Variants in APP observed in about 807,000 individuals in gnomAD.
The protein encoded by APP is amyloid-beta precursor protein.
In APP, 31 loss-of-function variants were observed where a neutral mutation model predicts 101.4. The observed-to-expected ratio is 0.31, with a 90% CI of 0.23 to 0.41. The LOEUF is 0.41. APP is among the 10% of genes least tolerant of loss of function. The probability of loss-of-function intolerance (pLI) is 1.00; values close to 1 mark genes in which losing one functional copy is unlikely to be tolerated. For missense variants in APP, 839 were observed against 1,003.7 expected (o/e 0.84, Z 2.22); for synonymous variants, 366 against 364.4 (o/e 1.00, Z -0.05).
intron 13 of APP, among the ~76,000 whole-genome samples, chr21:25,943,371 C>T (rs966905766): frequency 6.6e-6 from 1 of 151,562 alleles, no homozygotes; most frequent in Non-Finnish European, 1.5e-5. Context: ...AGGCTGATCT[C>T]GAACTCCTGA....
At chr21:26,126,101 A>T (rs1194060217) in intron 1 of APP, among the ~76,000 whole-genome samples, 1 of 152,240 alleles carries the variant, frequency 6.6e-6, no homozygotes, top group Non-Finnish European at 1.5e-5. Context: ...AAAAAATCTA[A>T]GCAAAGAGTA....
chr21:25,972,723 C>A (rs533503472), intron 11 of APP, among the ~76,000 whole-genome samples: 1 of 152,134 alleles, frequency 6.6e-6, no homozygotes, highest in African/African-American at 2.4e-5. Flanking sequence ...TAAAGGAAAT[C>A]TCTCAGGCAG....
At chr21:26,144,823 G>A (rs550712183) in intron 1 of APP, among the ~76,000 whole-genome samples, 11 of 152,298 alleles carry the variant, frequency 7.2e-5, no homozygotes, top group African/African-American at 1.4e-4. Flanking sequence ...ATTTTAGATC[G>A]AGGGAGTTGC....
At chr21:25,914,601 TG>T (rs1555894555) in intron 13 of APP, among the ~76,000 whole-genome samples, 1 of 142,336 alleles carries the variant, frequency 7.0e-6, no homozygotes, top group Non-Finnish European at 1.5e-5. Context: ...TCGCCCAGGC[TG>T]GAGTGCAGTG....
chr21:25,896,973 T>A (rs1361036116), intron 16 of APP, among the ~76,000 whole-genome samples: 1 of 152,206 alleles, frequency 6.6e-6, no homozygotes, highest in Non-Finnish European at 1.5e-5. Context: ...ATGTGTTTGA[T>A]CCTTCAAATA....
At chr21:26,148,227 G>A (rs922207576) in intron 1 of APP, among the ~76,000 whole-genome samples, 1 of 152,176 alleles carries the variant, frequency 6.6e-6, no homozygotes, top group Admixed American at 6.5e-5. Flanking sequence ...ATTTCAATGA[G>A]GTTGGCAGAG....
intron 7 of APP, among the ~76,000 whole-genome samples, chr21:25,999,643 T>C (rs1046643717): frequency 4.6e-5 from 7 of 152,324 alleles, no homozygotes; most frequent in African/African-American, 1.7e-4. Flanking sequence ...TGCATAAACA[T>C]GAACACATAT....
intron 1 of APP, among the ~76,000 whole-genome samples, chr21:26,149,320 C>A (rs908555664): frequency 1.3e-5 from 2 of 152,172 alleles, no homozygotes; most frequent in Admixed American, 1.3e-4. Context: ...CTGGGGATAA[C>A]AGTAGGTACC....
chr21:25,900,132 C>G (rs1316420530), intron 15 of APP, among the ~76,000 whole-genome samples: 1 of 152,170 alleles, frequency 6.6e-6, no homozygotes, highest in Non-Finnish European at 1.5e-5. Flanking sequence ...CTAAAACTCT[C>G]TTAATTCTCA....
intron 15 of APP, among the ~76,000 whole-genome samples, chr21:25,900,099 CTT>C (rs1444430214): frequency 2.6e-5 from 4 of 152,106 alleles, no homozygotes; most frequent in African/African-American, 9.7e-5. Context: ...CTTTCTGACA[CTT>C]ATTTTTATAG....
intron 13 of APP, among the ~76,000 whole-genome samples, chr21:25,953,872 C>CT (rs2041198153): frequency 6.6e-6 from 1 of 152,190 alleles, no homozygotes; most frequent in African/African-American, 2.4e-5. Context: ...TGATAATGGA[C>CT]TATAGTTACG....
intron 8 of APP, chr21:25,997,049 G>A (rs1274714849): frequency 5.4e-6 from 2 of 367,802 alleles, no homozygotes; most frequent in African/African-American, 4.2e-5. Flanking sequence ...ATAGCTTTTA[G>A]GAAATAAAAT....
chr21:26,119,933 A>G (rs2146233030), intron 1 of APP, among the ~76,000 whole-genome samples: 1 of 152,340 alleles, frequency 6.6e-6, no homozygotes. Context: ...GACAGCTAGG[A>G]CAGATTAGCA....
intron 13 of APP, among the ~76,000 whole-genome samples, chr21:25,921,463 C>T (rs1021900968): frequency 1.4e-4 from 20 of 146,568 alleles, no homozygotes; most frequent in South Asian, 2.2e-4. Context: ...AAAGGATCAA[C>T]AAAATTGATA....
rs148205336 is a variant in APP at position 26,044,469 on chromosome 21, G to T, written c.662+6531C>A. On this transcript the variant is annotated intron_variant, in intron 5 of 17. Coordinates refer to ENST00000346798, the MANE Select transcript of APP (RefSeq NM_000484.4). ...ACGTAAGTAAAACCTTAGGCTATGAGCCTTCACATGATATCCTAGATGAAT... is the reference window on the plus strand; with the variant it reads ...ACGTAAGTAAAACCTTAGGCTATGATCCTTCACATGATATCCTAGATGAAT... Among the ~76,000 whole-genome samples, 574 of 152,310 alleles carry T rather than the reference G, an allele frequency of 3.8e-3. 5 individuals carry two copies. The highest frequency in any genetic ancestry group is 0.013 in the African/African-American group (546 of 41,560).
At chr21:25,888,705 C>G (rs994406033) in intron 17 of APP, among the ~76,000 whole-genome samples, 12 of 152,164 alleles carry the variant, frequency 7.9e-5, no homozygotes, top group Non-Finnish European at 1.8e-4. Flanking sequence ...ATGTCAGAAT[C>G]TGGGTCAAAG....
chr21:25,885,054 C>T (rs2829969), intron 17 of APP, among the ~76,000 whole-genome samples: 89,085 of 152,178 alleles, frequency 0.59, 26,734 homozygotes, highest in African/African-American at 0.73. Flanking sequence ...GAGAGGACAG[C>T]TACATTTTGC....
At chr21:25,970,903 T>C (rs2146553567) in intron 11 of APP, among the ~76,000 whole-genome samples, 1 of 152,224 alleles carries the variant, frequency 6.6e-6, no homozygotes, top group African/African-American at 2.4e-5. Flanking sequence ...ATCAAAATGG[T>C]GAGGAAAATC....
At chr21:25,959,772 G>A (rs1024959598) in intron 11 of APP, among the ~76,000 whole-genome samples, 3 of 152,240 alleles carry the variant, frequency 2.0e-5, no homozygotes, top group Non-Finnish European at 4.4e-5. Context: ...ACTGGAAAGT[G>A]ATTCAAGGTA....
Sources: allele counts gnomAD v4.1 joint callset (sites outside exome capture counted in the v4.1 genomes callset), GRCh38; gene constraint gnomAD v4.1.1; transcripts MANE v1.5; gene names NCBI Gene and HGNC (gene_info 2026-07-23, HGNC 2026-07-21).